KLHL32: variants seen among roughly 807,000 people sequenced by gnomAD.
KLHL32 encodes kelch like family member 32.
Under a neutral mutation model 64.8 loss-of-function variants are expected in KLHL32, and 35 were observed. That is an observed-to-expected ratio of 0.54 (90% CI 0.41 to 0.72). KLHL32 has a LOEUF of 0.72. KLHL32 is among the 30% of genes least tolerant of loss of function. The pLI is 0.00. For synonymous variants in KLHL32, 259 were observed against 281.0 expected (o/e 0.92, Z 0.78); for missense variants, 589 against 768.5 (o/e 0.77, Z 2.76).
intron 3 of KLHL32, among the ~76,000 whole-genome samples, chr6:97,030,689 C>CT (rs1372869253): frequency 1.3e-5 from 2 of 152,158 alleles, no homozygotes; most frequent in East Asian, 1.9e-4. Flanking sequence ...GACATATGTT[C>CT]TTTTTTTTCT....
At chr6:97,079,441 A>G (rs1032921452) in intron 5 of KLHL32, among the ~76,000 whole-genome samples, 3 of 152,232 alleles carry the variant, frequency 2.0e-5, no homozygotes, top group Non-Finnish European at 4.4e-5. Context: ...ATGTAACTAC[A>G]CTTGAATATA....
intron 6 of KLHL32, among the ~76,000 whole-genome samples, chr6:97,087,539 C>T (rs1016783297): frequency 6.6e-6 from 1 of 152,100 alleles, no homozygotes; most frequent in Non-Finnish European, 1.5e-5. Flanking sequence ...AAATCCCTAT[C>T]CCATGTCTTA....
upstream of KLHL32, among the ~76,000 whole-genome samples, chr6:96,921,559 GTA>G (rs1437998205): frequency 6.6e-6 from 1 of 152,192 alleles, no homozygotes; most frequent in Non-Finnish European, 1.5e-5. Context: ...CTCTTGAGTA[GTA>G]CAGTAATTAG....
At chr6:96,942,120 C>T (rs1222731896) in intron 1 of KLHL32, among the ~76,000 whole-genome samples, 1 of 152,192 alleles carries the variant, frequency 6.6e-6, no homozygotes, top group Admixed American at 6.5e-5. Context: ...ACATGTGTTG[C>T]TCTAACATTC....
chr6:97,138,562 A>T (rs1448012377), intron 10 of KLHL32, among the ~76,000 whole-genome samples: 1 of 151,986 alleles, frequency 6.6e-6, no homozygotes, highest in Non-Finnish European at 1.5e-5. Context: ...CAACAAAAAA[A>T]CCCCAAAAAC....
chr6:97,070,520 C>T (rs757549975), intron 5 of KLHL32, among the ~76,000 whole-genome samples: 43 of 152,020 alleles, frequency 2.8e-4, no homozygotes, highest in Non-Finnish European at 5.1e-4. Flanking sequence ...TGTCAGGAAG[C>T]GACAGCCCAG....
Position 97,085,007 on chromosome 6 carries a change from C to T in KLHL32, c.412-119C>T, listed in dbSNP as rs1793174401. 6 of 720,934 alleles carry T rather than the reference C, an allele frequency of 8.3e-6. No homozygotes were observed. The South Asian group carries it at 1.1e-4, about 13-fold the overall frequency. The allele number at this position is 720,934 out of a possible 1,614,324, so 44.7% of individuals were successfully genotyped here. A position where few individuals can be genotyped will look rare whatever the true frequency, so the allele number is the denominator to read the frequency against. On this transcript the variant is annotated intron_variant, in intron 5 of 10. Transcript: ENST00000369261. Reference sequence around the variant, plus strand: ...ATTTCTTTTTTTTTTTATACTAGCCCTCCCATTTCTCCCACCACTGTGATG... The same window carrying T: ...ATTTCTTTTTTTTTTTATACTAGCCTTCCCATTTCTCCCACCACTGTGATG...
chr6:96,899,706 A>G, the KLHL32 span, among the ~76,000 whole-genome samples: 5 of 152,208 alleles, frequency 3.3e-5, no homozygotes, highest in Admixed American at 3.3e-4. Flanking sequence ...TTTGGGAATC[A>G]TGGAAATAAA....
intron 1 of KLHL32, among the ~76,000 whole-genome samples, chr6:96,944,809 G>A (rs144038292): frequency 6.6e-6 from 1 of 152,274 alleles, no homozygotes; most frequent in African/African-American, 2.4e-5. Flanking sequence ...CTGTACTTGG[G>A]AAAATAAAAG....
rs145853399 is a variant in KLHL32 at position 97,134,275 on chromosome 6, C to T, written c.1701+1528C>T. On this transcript the variant is annotated intron_variant, in intron 10 of 10. Coordinates refer to ENST00000369261, the MANE Select transcript of KLHL32 (RefSeq NM_052904.4). Reference sequence around the variant, plus strand: ...CAGGAGAAAAGAATTATCAAAGCCACACACACATGAAGAGCCACATAAGAC... The same window carrying T: ...CAGGAGAAAAGAATTATCAAAGCCATACACACATGAAGAGCCACATAAGAC... Among the ~76,000 whole-genome samples the T allele has an allele frequency of 4.6e-5, 7 of 152,280 alleles. No individual in the cohort carries two copies. In the East Asian group the frequency reaches 1.3e-3, roughly 29 times the overall value.
intron 3 of KLHL32, among the ~76,000 whole-genome samples, chr6:97,009,705 A>G (rs934194905): frequency 6.6e-6 from 1 of 152,190 alleles, no homozygotes; most frequent in East Asian, 1.9e-4. Flanking sequence ...ATCTTGCTGG[A>G]CAGTAGAAGG....
In KLHL32 at chr6:97,028,615, C is replaced by T. The variant is rs553176154; in HGVS notation, c.205-12877C>T. On this transcript the variant is annotated intron_variant, in intron 3 of 10. Transcript: ENST00000369261. ...TGCTCAGTCATTCCTTCGTGCAAGC[C>T]CCAAATTCTGTCTTAGGACAGCTGT... Among the ~76,000 whole-genome samples, 209 of 152,256 alleles carry T rather than the reference C, an allele frequency of 1.4e-3. 1 individual carries two copies. Among genetic ancestry groups the T allele is most frequent in the African/African-American group, 4.8e-3 (201 of 41,528 alleles).
chr6:96,950,648 C>G (rs191610821), intron 1 of KLHL32, among the ~76,000 whole-genome samples: 1 of 152,098 alleles, frequency 6.6e-6, no homozygotes, highest in Non-Finnish European at 1.5e-5. Flanking sequence ...GGTTAGTGAA[C>G]GACTAGTTAC....
chr6:96,949,243 T>C (rs1003216394), intron 1 of KLHL32, among the ~76,000 whole-genome samples: 1 of 152,212 alleles, frequency 6.6e-6, no homozygotes, highest in Non-Finnish European at 1.5e-5. Flanking sequence ...TTAATAACTT[T>C]TCAAATGGAT....
intron 6 of KLHL32, among the ~76,000 whole-genome samples, chr6:97,109,189 G>C (rs1429448681): frequency 6.6e-6 from 1 of 152,158 alleles, no homozygotes; most frequent in Admixed American, 6.5e-5. Context: ...TACATGTTAA[G>C]TTTGTAGTTG....
intron 3 of KLHL32, among the ~76,000 whole-genome samples, chr6:96,982,804 T>C (rs537257631): frequency 1.3e-5 from 2 of 152,382 alleles, no homozygotes; most frequent in South Asian, 4.1e-4. Flanking sequence ...GTTTTCTAGA[T>C]ATACAATCAT....
At chr6:96,968,323 A>G (rs1378819788) in intron 2 of KLHL32, among the ~76,000 whole-genome samples, 1 of 152,128 alleles carries the variant, frequency 6.6e-6, no homozygotes, top group Admixed American at 6.6e-5. Context: ...GAATCATTTT[A>G]AACATCTTGC....
chr6:96,930,932 C>T (rs1232426234), intron 1 of KLHL32, among the ~76,000 whole-genome samples: 1 of 152,102 alleles, frequency 6.6e-6, no homozygotes, highest in Non-Finnish European at 1.5e-5. Context: ...CACAGAGCTG[C>T]CCCTTGTGTT....
chr6:96,970,378 A>G (rs1717346353), intron 2 of KLHL32, among the ~76,000 whole-genome samples: 2 of 151,902 alleles, frequency 1.3e-5, no homozygotes, highest in Admixed American at 1.3e-4. Flanking sequence ...TTCTGTAGAC[A>G]CTCTATAAGG....
Sources: allele counts gnomAD v4.1 joint callset (sites outside exome capture counted in the v4.1 genomes callset), GRCh38; gene constraint gnomAD v4.1.1; transcripts MANE v1.5; gene names NCBI Gene and HGNC (gene_info 2026-07-23, HGNC 2026-07-21).